The following ASB4 variants were observed in gnomAD, a reference collection of about 807,000 sequenced individuals.
The protein encoded by ASB4 is ankyrin repeat and SOCS box containing 4.
Under a neutral mutation model 38.6 loss-of-function variants are expected in ASB4, and 35 were observed. That is an observed-to-expected ratio of 0.91 (90% confidence interval 0.69 to 1.20). The LOEUF is 1.20. Ranked by LOEUF, ASB4 falls within the 50% of genes most tolerant of loss-of-function variation. The pLI, the probability that ASB4 is intolerant of heterozygous loss-of-function variation, is 0.00. For missense variants in ASB4, 557 were observed against 527.2 expected, an observed-to-expected ratio of 1.06 and a Z score of -0.55; for synonymous variants, 195 against 201.3, an observed-to-expected ratio of 0.97 and a Z score of 0.26.
At chr7:95,479,722 A>G (rs1790008035) in intron 1 of ASB4, among the ~76,000 whole-genome samples, 1 of 152,222 alleles carries the variant, frequency 6.6e-6, no homozygotes, top group African/African-American at 2.4e-5. Flanking sequence ...CAGGCCTAGA[A>G]CACAGCAGAT....
intron 2 of ASB4, among the ~76,000 whole-genome samples, chr7:95,502,114 AAAGAG>A (rs1304960531): frequency 1.3e-5 from 2 of 151,844 alleles, no homozygotes; most frequent in African/African-American, 2.4e-5. Flanking sequence ...ACTAAAAAAA[AAAGAG>A]AGAGAAAGAG....
At chr7:95,479,425 A>G (rs1790005312) in intron 1 of ASB4, among the ~76,000 whole-genome samples, 1 of 152,212 alleles carries the variant, frequency 6.6e-6, no homozygotes. Context: ...ATGAAATAGT[A>G]TGCTTAGTCC....
At chr7:95,541,662 T>A (rs1790972119), downstream of ASB4, among the ~76,000 whole-genome samples, 1 of 152,180 alleles carries the variant, frequency 6.6e-6, no homozygotes, top group South Asian at 2.1e-4. Context: ...TGTATTTTTG[T>A]AAGTAGTAAA....
intron 2 of ASB4, among the ~76,000 whole-genome samples, chr7:95,522,804 A>G (rs961647944): frequency 8.5e-5 from 13 of 152,318 alleles, no homozygotes; most frequent in Admixed American, 7.8e-4. Context: ...CCACAGATGA[A>G]ATCTGAAAAT....
intron 1 of ASB4, among the ~76,000 whole-genome samples, chr7:95,491,763 C>T (rs1790174588): frequency 6.6e-6 from 1 of 152,152 alleles, no homozygotes; most frequent in Admixed American, 6.5e-5. Flanking sequence ...TTTGGTCCTC[C>T]ATGACAGTAA....
intron 2 of ASB4, among the ~76,000 whole-genome samples, chr7:95,510,072 G>A (rs1048059732): frequency 4.6e-5 from 7 of 151,984 alleles, no homozygotes; most frequent in African/African-American, 1.7e-4. Context: ...TGCTATATCA[G>A]AATCCTATTA....
intron 2 of ASB4, among the ~76,000 whole-genome samples, chr7:95,507,051 C>T (rs1354607010): frequency 1.3e-5 from 2 of 151,930 alleles, no homozygotes; most frequent in Admixed American, 1.3e-4. Context: ...CCTCAGATGT[C>T]TTATAATCCT....
At chr7:95,486,588 T>C (rs1244574733) in intron 1 of ASB4, among the ~76,000 whole-genome samples, 2 of 152,234 alleles carry the variant, frequency 1.3e-5, no homozygotes, top group Non-Finnish European at 2.9e-5. Flanking sequence ...ATCCTCTCTA[T>C]GTCCATGTGG....
intron 2 of ASB4, among the ~76,000 whole-genome samples, chr7:95,497,053 G>A (rs1036386134): frequency 6.6e-6 from 1 of 152,104 alleles, no homozygotes; most frequent in Non-Finnish European, 1.5e-5. Flanking sequence ...GGGTGGGAAG[G>A]ACAAGAGGGT....
At chr7:95,512,469 T>C (rs978556140) in intron 2 of ASB4, among the ~76,000 whole-genome samples, 1 of 152,162 alleles carries the variant, frequency 6.6e-6, no homozygotes, top group Non-Finnish European at 1.5e-5. Flanking sequence ...TATTAAGCAA[T>C]GATGCTGGAG....
intron 3 of ASB4, among the ~76,000 whole-genome samples, chr7:95,529,760 G>T (rs1790793678): frequency 2.0e-5 from 3 of 152,104 alleles, no homozygotes; most frequent in Non-Finnish European, 4.4e-5. Context: ...CCTGTGTTGA[G>T]CTCTAAATAG....
At chr7:95,497,715 C>T (rs1045439267) in intron 2 of ASB4, among the ~76,000 whole-genome samples, 1 of 152,164 alleles carries the variant, frequency 6.6e-6, no homozygotes, top group African/African-American at 2.4e-5. Flanking sequence ...CTACAGACAA[C>T]CACTGATGTT....
chr7:95,529,138 G>A (rs1476865880), intron 3 of ASB4, among the ~76,000 whole-genome samples: 1 of 152,190 alleles, frequency 6.6e-6, no homozygotes, highest in East Asian at 1.9e-4. Flanking sequence ...TTAATATGCT[G>A]TGGTAAATGA....
At position 95,496,021 on chromosome 7, in the gene ASB4, A is replaced by G; in HGVS notation, c.451A>G (p.Ser151Gly). The G allele has an allele frequency of 1.2e-6, 2 of 1,613,768 alleles. No homozygotes were observed. Among genetic ancestry groups the G allele is most frequent in the South Asian group, 1.1e-5 (1 of 91,058 alleles). The change falls in exon 2 of 5, where the codon AGT becomes GGT. Residue 151 changes from serine (S) to glycine (G), a missense_variant. By Grantham distance (56) the Ser-to-Gly change is moderately conservative (BLOSUM62 0). Transcript: ENST00000325885. ...AGCTTTGCACTTTTGTACAACTCCA[A>G]GTTCCATTCTCTGTGCCAAGCAATT... ...HTALHFCTTP[S>G]SILCAKQLVW...
upstream of ASB4, among the ~76,000 whole-genome samples, chr7:95,482,498 G>A (rs1300090707): frequency 6.6e-6 from 1 of 152,194 alleles, no homozygotes; most frequent in Non-Finnish European, 1.5e-5. Context: ...TCAGCTTTAA[G>A]TCTCAATGCA....
At chr7:95,515,342 TTTCTTTC>T (rs1221596594) in intron 2 of ASB4, among the ~76,000 whole-genome samples, 3 of 139,144 alleles carry the variant, frequency 2.2e-5, no homozygotes, top group African/African-American at 7.8e-5. Flanking sequence ...CCTTTCTTTC[TTTCTTTC>T]TTTTTCTTTC....
At chr7:95,478,502 A>T (rs955538636) in exon 1 of ASB4, 1 of 152,134 alleles carries the variant, frequency 6.6e-6, no homozygotes. Context: ...TGCTTATGTC[A>T]ATCCAGCCAT....
At chr7:95,547,019 C>A in the ASB4 span, among the ~76,000 whole-genome samples, 1 of 152,116 alleles carries the variant, frequency 6.6e-6, no homozygotes, top group Non-Finnish European at 1.5e-5. Flanking sequence ...CTTTAATAGG[C>A]GAATTAGGTT....
upstream of ASB4, among the ~76,000 whole-genome samples, chr7:95,475,825 C>G (rs1789971615): frequency 6.6e-6 from 1 of 152,198 alleles, no homozygotes; most frequent in African/African-American, 2.4e-5. Context: ...TGGCCATTCT[C>G]TCCCCCATCT....
Sources: allele counts gnomAD v4.1 joint callset (sites outside exome capture counted in the v4.1 genomes callset), GRCh38; gene constraint gnomAD v4.1.1; transcripts MANE v1.5; gene names NCBI Gene and HGNC (gene_info 2026-07-23, HGNC 2026-07-21).